DDX51: variants seen among roughly 807,000 people sequenced by gnomAD.
DDX51 encodes the protein ATP-dependent RNA helicase DDX51.
A neutral mutation model predicts 74.6 loss-of-function variants in DDX51; 67 were observed. The observed-to-expected ratio is 0.90, with a 90% CI of 0.74 to 1.10. The LOEUF is 1.10. Ranked by LOEUF, DDX51 falls within the 50% of genes least tolerant of loss-of-function variation. DDX51 has a pLI of 0.00. For synonymous variants in DDX51, 545 were observed against 402.9 expected (o/e 1.35, Z -4.22); for missense variants, 1,056 against 905.2 (o/e 1.17, Z -2.14).
In DDX51 at chr12:132,144,285, G is replaced by A. The variant is rs1354893617; in HGVS notation, c.12C>T (p.Phe4=). MAL[F]YVARYPGPDA... is the part of the protein sequence containing the mutation. ...CGGGGCCCGGGTACCGCGCGACGTA[G>A]AACAGCGCCATGGCCAGCCGCACGC... The change falls in exon 1 of 15, where the codon TTC becomes TTT. Residue 4 remains phenylalanine, a synonymous_variant. Coordinates refer to ENST00000397333, the MANE Select transcript of DDX51 (RefSeq NM_175066.4). The A allele has an allele frequency of 1.5e-6, 2 of 1,324,288 alleles. No homozygotes were observed. Among genetic ancestry groups the A allele is most frequent in the Admixed American group, 4.2e-5 (1 of 24,074 alleles). 82.0% of individuals were successfully genotyped at this position (1,324,288 alleles called of 1,614,324 possible).
At chr12:132,143,078 C>T (rs1679984201) in intron 2 of DDX51, 200 bp from the exon 3 acceptor site, 4 of 647,016 alleles carry the variant, frequency 6.2e-6, no homozygotes, top group African/African-American at 3.7e-5. Flanking sequence ...CAAACTCACT[C>T]TGTAGCCTCC....
At chr12:132,141,254 C>A in intron 8 of DDX51, 21 bp downstream of exon 8, 1 of 1,577,736 alleles carries the variant, frequency 6.3e-7, no homozygotes, top group Non-Finnish European at 8.6e-7. Context: ...GAGGCCAGCA[C>A]CTGGGCGTGC....
chr12:132,141,229 G>C (rs768513264), intron 8 of DDX51, 46 bp downstream of exon 8: 6 of 1,549,082 alleles, frequency 3.9e-6, no homozygotes, highest in Admixed American at 1.9e-5. Context: ...TGTGTGCAGA[G>C]GACTCTGCTC....
At chr12:132,141,700 C>A (rs1027463342) in intron 6 of DDX51, 94 bp from the exon 7 acceptor site, 6 of 1,487,264 alleles carry the variant, frequency 4.0e-6, no homozygotes, top group African/African-American at 2.8e-5. Flanking sequence ...GACTCCACCC[C>A]ACATGGGAAG....
rs375586464 is a variant in DDX51, at chr12:132,142,207, G to A, written c.817-17C>T. 2.1e-4 allele frequency: 330 copies of A among 1,578,740 alleles called. 4 individuals are homozygous for A. In the Middle Eastern group the frequency reaches 0.015, roughly 70 times the overall value. ...AAGCAGGGCCTGAGGGGGAAGGAGC[G>A]CCTGCGTCAGCAAGGCTGTTACCTG... On this transcript the variant is annotated splice_polypyrimidine_tract_variant and intron_variant, in intron 4 of 14. Transcript: ENST00000397333.
intron 6 of DDX51, 93 bp downstream of exon 6, chr12:132,141,757 A>T: frequency 6.7e-7 from 1 of 1,494,756 alleles, no homozygotes; most frequent in Non-Finnish European, 9.2e-7. Flanking sequence ...GTGGTTAAAG[A>T]TGGTGGCCCC....
intron 3 of DDX51, 105 bp downstream of exon 3, chr12:132,142,623 C>G: frequency 2.6e-6 from 4 of 1,527,946 alleles, no homozygotes; most frequent in African/African-American, 1.4e-5. Context: ...TGAGACCACA[C>G]TTGGCACCGA....
At chr12:132,143,290 T>G (rs917027398) in intron 2 of DDX51, 1 of 402,142 alleles carries the variant, frequency 2.5e-6, no homozygotes, top group African/African-American at 2.1e-5. Flanking sequence ...GCCCGAGCAC[T>G]CTGTCAAACT....
chr12:132,139,403 A>C, intron 14 of DDX51, 105 bp from the exon 15 acceptor site: 1 of 1,551,368 alleles, frequency 6.4e-7, no homozygotes. Context: ...AGCCCTGTGC[A>C]TGCAGAAACC....
chr12:132,139,163 T>A lies in DDX51; in HGVS notation c.*109A>T. 1 of 1,474,808 alleles carries A rather than the reference T, an allele frequency of 6.8e-7. No individual in the cohort carries two copies. Among genetic ancestry groups the A allele is most frequent in the African/African-American group, 1.4e-5 (1 of 72,308 alleles). 91.4% of individuals were successfully genotyped at this position (1,474,808 alleles called of 1,614,324 possible). ...CACGTGCTTGGGGAGGAAGGCTGTGTCCACTGGGGGATTCCTTTCCTCACA... is the reference window on the plus strand; with the variant it reads ...CACGTGCTTGGGGAGGAAGGCTGTGACCACTGGGGGATTCCTTTCCTCACA... On this transcript the variant is annotated 3_prime_UTR_variant, in exon 15 of 15. Transcript: ENST00000397333.
In DDX51 at chr12:132,143,805, T is replaced by C. The variant is rs1364250146; in HGVS notation, c.409A>G (p.Thr137Ala). The C allele has an allele frequency of 1.3e-6, 2 of 1,525,792 alleles. No individual in the cohort carries two copies. Among genetic ancestry groups the C allele is most frequent in the Admixed American group, 4.0e-5 (2 of 50,448 alleles). 94.5% of individuals were successfully genotyped at this position (1,525,792 alleles called of 1,614,324 possible). Reference protein sequence around the residue: ...SSEEAPGERSTSASAEAAPDG... With the variant: ...SSEEAPGERSASASAEAAPDG... ...GGGGCCGCCTCGGCGCTGGCGCTGG[T>C]GCTGCGCTCCCCCGGCGCCTCCTCG... Residue 137 changes from threonine (T) to alanine (A), a missense_variant, in exon 2 of 15, where the codon ACC becomes GCC. Physicochemically the swap from Thr to Ala is moderately conservative, Grantham distance 58. Transcript: ENST00000397333.
rs1194132900 is a variant in DDX51, at chr12:132,140,454, G to A, written c.1642C>T (p.Leu548=). The A allele has an allele frequency of 1.9e-6, 3 of 1,613,276 alleles. No individual in the cohort carries two copies. The highest frequency in any genetic ancestry group is 2.5e-6 in the Non-Finnish European group (3 of 1,180,030). ...RYGPGQRRMI[L]KQFEQGKIQL... is the part of the protein sequence containing the mutation. ...ATCTTCCCCTGTTCAAACTGCTTCAGGATCATCCTCCTCTGGCCAGGCCCG... is the reference window on the plus strand; with the variant it reads ...ATCTTCCCCTGTTCAAACTGCTTCAAGATCATCCTCCTCTGGCCAGGCCCG... The change falls in exon 11 of 15, where the codon CTG becomes TTG. Residue 548 remains leucine, a synonymous_variant. Transcript: ENST00000397333.
chr12:132,143,375 T>G lies in DDX51; in HGVS notation c.519+320A>C, dbSNP rs117781913. ...ACGTGCTAAGCAAAAACACCAACGG[T>G]CAGGAGCTTGCAGAACGGCCTCTGA... On this transcript the variant is annotated intron_variant, in intron 2 of 14. Transcript: ENST00000397333. 2,083 of 509,184 alleles carry G rather than the reference T, an allele frequency of 4.1e-3. 14 individuals are homozygous for G. The highest frequency in any genetic ancestry group is 0.019 in the Middle Eastern group (36 of 1,904). 31.5% of individuals were successfully genotyped at this position (509,184 alleles called of 1,614,324 possible). A position where few individuals can be genotyped will look rare whatever the true frequency, so the allele number is the denominator to read the frequency against.
rs963940405 is a variant in DDX51, at chr12:132,136,865, T to C, written c.*2407A>G. 1 of 152,268 alleles carries C rather than the reference T, an allele frequency of 6.6e-6. No homozygotes were observed. Among genetic ancestry groups the C allele is most frequent in the African/African-American group, 2.4e-5 (1 of 41,420 alleles). The allele number at this position is 152,268 out of a possible 1,614,324, so 9.4% of individuals were successfully genotyped here. On this transcript the variant is annotated 3_prime_UTR_variant, in exon 15 of 15. Transcript: ENST00000397333. The stretch of plus-strand genomic sequence containing the variant: ...TTTTAGTAGAGATGGGGTTTCACCA[T>C]GTTGGCCAGGATGGTCTCGATCTCC...
Position 132,137,312 on chromosome 12 carries a change from T to C in DDX51, c.*1960A>G, listed in dbSNP as rs757656280. 1 of 152,090 alleles carries C rather than the reference T, an allele frequency of 6.6e-6. No individual in the cohort carries two copies. Among genetic ancestry groups the C allele is most frequent in the Non-Finnish European group, 1.5e-5 (1 of 67,948 alleles). The allele number at this position is 152,090 out of a possible 1,614,324, so 9.4% of individuals were successfully genotyped here. A position where few individuals can be genotyped will look rare whatever the true frequency, so the allele number is the denominator to read the frequency against. Reference sequence around the variant, plus strand: ...ACCCCCCGCACTCCTGTGCCCGAGCTGTCTCATCTGTGATTCACAGTCTGC... The same window carrying C: ...ACCCCCCGCACTCCTGTGCCCGAGCCGTCTCATCTGTGATTCACAGTCTGC... On this transcript the variant is annotated 3_prime_UTR_variant, in exon 15 of 15. Transcript: ENST00000397333.
At chr12:132,141,069 A>G (rs780966075) in intron 8 of DDX51, 49 bp from the exon 9 acceptor site, 1 of 1,547,228 alleles carries the variant, frequency 6.5e-7, no homozygotes, top group South Asian at 1.2e-5. Flanking sequence ...GCTGCCCCGA[A>G]CCTCCAGGGA....
At chr12:132,143,963 C>T (rs1897593158) in intron 1 of DDX51, 30 bp downstream of exon 1, 1 of 1,446,820 alleles carries the variant, frequency 6.9e-7, no homozygotes, top group Non-Finnish European at 9.0e-7. Context: ...GCCGGCGCCC[C>T]AGAGGGAGCC....
rs58168515 is a variant in DDX51, at chr12:132,141,032, G to A, written c.1251-12C>T. On this transcript the variant is annotated splice_polypyrimidine_tract_variant and intron_variant, in intron 8 of 14. Transcript: ENST00000397333. ...GGGGACAGCAGGTGCTGGAAGAGAA[G>A]GGGGTGTTGCTGGCACCCTACCAGT... is the stretch of plus-strand genomic sequence containing the variant. 2,630 of 1,584,322 alleles carry A rather than the reference G, an allele frequency of 1.7e-3. 21 individuals are homozygous for A. The African/African-American group carries it at 0.023, about 14-fold the overall frequency.
rs568673259 is a variant in DDX51 at position 132,142,631 on chromosome 12, C to T, written c.670+97G>A. 6.4e-4 allele frequency: 985 copies of T among 1,537,046 alleles called. 8 individuals carry two copies. The South Asian group carries it at 0.011, about 18-fold the overall frequency. ...AGAGTGCTGAGACCACACTTGGCAC[C>T]GATGTGGCAGGGACGCCTGACCCAC... On this transcript the variant is annotated intron_variant, in intron 3 of 14. Transcript: ENST00000397333.
Sources: allele counts gnomAD v4.1 joint callset, GRCh38; gene constraint gnomAD v4.1.1; transcripts MANE v1.5; gene names NCBI Gene and HGNC (gene_info 2026-07-23, HGNC 2026-07-21).